SATB2: variants seen among roughly 807,000 people sequenced by gnomAD.
SATB2 encodes DNA-binding protein SATB2.
SATB2 carries 1 observed loss-of-function variant against 73.4 expected under a neutral mutation model. The ratio of observed to expected loss-of-function variants is 0.01; its 90% CI spans 0.00 to 0.06. The LOEUF is 0.06. Among genes scored for constraint, SATB2 ranks in the 10% least tolerant of loss-of-function variants. SATB2 has a pLI of 1.00. For synonymous variants in SATB2, 397 were observed against 367.0 expected (o/e 1.08, Z -0.93); for missense variants, 459 against 945.8 (o/e 0.49, Z 6.75).
chr2:199,310,481 AT>A (rs938295795), intron 9 of SATB2, among the ~76,000 whole-genome samples: 9 of 151,900 alleles, frequency 5.9e-5, no homozygotes, highest in East Asian at 1.9e-4. Flanking sequence ...AATGAAGACA[AT>A]TTTTTTTATC....
chr2:199,299,940 A>G (rs987878932), intron 10 of SATB2, among the ~76,000 whole-genome samples: 1 of 152,164 alleles, frequency 6.6e-6, no homozygotes, highest in African/African-American at 2.4e-5. Context: ...AAGTACCTCA[A>G]TTTTAGTTTA....
At chr2:199,394,660 G>A (rs1690245383) in intron 3 of SATB2, among the ~76,000 whole-genome samples, 1 of 152,040 alleles carries the variant, frequency 6.6e-6, no homozygotes, top group Non-Finnish European at 1.5e-5. Context: ...AAAAAGCCAG[G>A]CGTGGTGGCA....
chr2:199,452,608 C>T (rs1692158673), intron 2 of SATB2, among the ~76,000 whole-genome samples: 1 of 152,046 alleles, frequency 6.6e-6, no homozygotes, highest in Admixed American at 6.5e-5. Context: ...ATTAATCATC[C>T]TTTTTCAAAA....
chr2:199,330,975 A>G (rs545297467), intron 7 of SATB2, among the ~76,000 whole-genome samples: 1 of 152,234 alleles, frequency 6.6e-6, no homozygotes, highest in Admixed American at 6.5e-5. Context: ...GTCAACACGG[A>G]TAAATTTGTT....
intron 6 of SATB2, among the ~76,000 whole-genome samples, chr2:199,366,283 T>A (rs903922944): frequency 1.1e-4 from 16 of 152,098 alleles, no homozygotes; most frequent in African/African-American, 3.9e-4. Flanking sequence ...ATTGCCTTTT[T>A]TTCATTTTGA....
At chr2:199,344,224 A>G (rs1012887361) in intron 7 of SATB2, among the ~76,000 whole-genome samples, 1 of 152,150 alleles carries the variant, frequency 6.6e-6, no homozygotes, top group African/African-American at 2.4e-5. Context: ...ATTCATGCAC[A>G]TGAAGGACAG....
rs1559071549 is a variant in SATB2 at position 199,464,073 on chromosome 2, G to T, written c.-141+763C>A. ...GCAGTGTATCCGGCGGCCCAAACTC[G>T]TAAGGAGTGGGGGCCAACTTAGAGG... On this transcript the variant is annotated intron_variant, in intron 1 of 11. Transcript: ENST00000260926. This position sits in a 1 kb window ranked among gnomAD's most constrained non-coding sequence, Gnocchi z 6.6. Among the ~76,000 whole-genome samples the T allele has an allele frequency of 1.3e-5, 2 of 152,166 alleles. No homozygotes were observed.
upstream of SATB2, chr2:199,465,113 T>G (rs1344750381): frequency 6.6e-6 from 1 of 152,262 alleles, no homozygotes; most frequent in Admixed American, 6.5e-5. Context: ...TCTCTCTTTC[T>G]CATTCAGAGG....
intron 10 of SATB2, among the ~76,000 whole-genome samples, chr2:199,293,889 A>G (rs1450093168): frequency 6.6e-6 from 1 of 151,588 alleles, no homozygotes; most frequent in Admixed American, 6.6e-5. Flanking sequence ...AGGGTGGGAG[A>G]AAAAAAACAA....
At chr2:199,274,863 G>A (rs1692263917) in intron 10 of SATB2, among the ~76,000 whole-genome samples, 1 of 152,108 alleles carries the variant, frequency 6.6e-6, no homozygotes, top group Non-Finnish European at 1.5e-5. Flanking sequence ...GTGCTGGTCA[G>A]GTCCACTTTC....
intron 10 of SATB2, among the ~76,000 whole-genome samples, chr2:199,305,131 G>A (rs1687393233): frequency 6.6e-6 from 1 of 152,174 alleles, no homozygotes. Flanking sequence ...GACCTGACAG[G>A]AGAGATGCCT....
At chr2:199,408,485 T>C (rs968089726) in intron 3 of SATB2, among the ~76,000 whole-genome samples, 6 of 152,022 alleles carry the variant, frequency 3.9e-5, no homozygotes, top group African/African-American at 1.4e-4. Flanking sequence ...AATGAGGTAA[T>C]GAGATAAGTT....
chr2:199,459,114 G>A (rs1692398334), upstream of SATB2, among the ~76,000 whole-genome samples: 1 of 152,048 alleles, frequency 6.6e-6, no homozygotes, highest in African/African-American at 2.4e-5. This position sits in a 1 kb window ranked among gnomAD's most constrained non-coding sequence, Gnocchi z 4.2. Context: ...CCCGTGACGC[G>A]GTGGCGGCGA....
chr2:199,287,743 G>A (rs186328700), intron 10 of SATB2, among the ~76,000 whole-genome samples: 3 of 152,190 alleles, frequency 2.0e-5, no homozygotes, highest in African/African-American at 7.2e-5. Flanking sequence ...TTTAAATCCT[G>A]TAATTATTTT....
intron 7 of SATB2, among the ~76,000 whole-genome samples, chr2:199,342,726 T>C (rs989956321): frequency 4.6e-5 from 7 of 152,212 alleles, no homozygotes; most frequent in Non-Finnish European, 7.3e-5. Context: ...TAATAAAATA[T>C]TGGCAAAAGG....
At chr2:199,325,412 G>A (rs1688002357) in intron 8 of SATB2, 1 of 152,032 alleles carries the variant, frequency 6.6e-6, no homozygotes, top group South Asian at 2.1e-4. Context: ...CAAAAACATG[G>A]GCTCAGGACA....
In SATB2 at chr2:199,324,062, A is replaced by C. The variant is rs1687967686; in HGVS notation, c.1387-104T>G. On this transcript the variant is annotated intron_variant, in intron 8 of 10. Coordinates refer to ENST00000417098, the MANE Select transcript of SATB2 (RefSeq NM_001172509.2). ...TTTCAGTCAGCTGATGCCAAACTGC[A>C]TTAGCTACAGAGGGACACTTCCTGT... 14 of 1,179,484 alleles carry C rather than the reference A, an allele frequency of 1.2e-5. No individual in the cohort carries two copies. The South Asian group carries it at 1.7e-4, about 14-fold the overall frequency. 73.1% of individuals were successfully genotyped at this position (1,179,484 alleles called of 1,614,324 possible). A position where few individuals can be genotyped will look rare whatever the true frequency, so the allele number is the denominator to read the frequency against.
intron 3 of SATB2, among the ~76,000 whole-genome samples, chr2:199,399,690 C>T (rs1049037891): frequency 6.6e-6 from 1 of 152,134 alleles, no homozygotes; most frequent in Non-Finnish European, 1.5e-5. Flanking sequence ...AAAGGAGGAG[C>T]GAGGCAGCTC....
intron 3 of SATB2, among the ~76,000 whole-genome samples, chr2:199,393,815 A>G (rs895966319): frequency 9.2e-5 from 14 of 152,170 alleles, no homozygotes; most frequent in Non-Finnish European, 2.9e-5. Context: ...AGTATAGTAA[A>G]CAACTTCTAA....
Sources: allele counts gnomAD v4.1 joint callset (sites outside exome capture counted in the v4.1 genomes callset), GRCh38; gene constraint gnomAD v4.1.1; non-coding constraint Gnocchi (gnomAD v3.1); transcripts MANE v1.5; gene names NCBI Gene and HGNC (gene_info 2026-07-23, HGNC 2026-07-21).